Variants in CTNNA2 observed in about 807,000 individuals in gnomAD.
The protein encoded by CTNNA2 is catenin alpha 2.
Under a neutral mutation model 101.0 loss-of-function variants are expected in CTNNA2, and 42 were observed. The ratio of observed to expected loss-of-function variants is 0.42; its 90% CI spans 0.32 to 0.54. CTNNA2 has a LOEUF of 0.54. Among genes scored for constraint, CTNNA2 ranks in the 20% least tolerant of loss-of-function variants. The probability of loss-of-function intolerance (pLI) is 0.14; values close to 1 mark genes in which losing one functional copy is unlikely to be tolerated. For synonymous variants in CTNNA2, 450 were observed against 456.4 expected (o/e 0.99, Z 0.18); for missense variants, 871 against 1,223.1 (o/e 0.71, Z 4.29).
intron 7 of CTNNA2, among the ~76,000 whole-genome samples, chr2:80,218,743 C>A (rs1461043828): frequency 6.6e-6 from 1 of 152,192 alleles, no homozygotes; most frequent in Non-Finnish European, 1.5e-5. Context: ...ATAAATATAG[C>A]TATTAGTATT....
At position 80,647,705 on chromosome 2, in the gene CTNNA2, G is replaced by C. The variant is rs746857376; in HGVS notation, c.2695G>C (p.Val899Leu). The C allele has an allele frequency of 6.2e-7, 1 of 1,613,482 alleles. No individual in the cohort carries two copies. The highest frequency in any genetic ancestry group is 8.5e-7 in the Non-Finnish European group (1 of 1,179,556). Residue 899 changes from valine to leucine, a missense_variant, in exon 19 of 19, where the codon GTC (valine) becomes CTC (leucine). Coordinates refer to ENST00000402739, the MANE Select transcript of CTNNA2 (RefSeq NM_001282597.3). ...KYQKVYGTAA[V>L]NSPVVSWKMK... ...CCAGAAGGTCTATGGGACAGCAGCT[G>C]TCAACTCACCTGTTGTGTCTTGGAA...
At chr2:79,566,085 A>G (rs917353055) in intron 1 of CTNNA2, among the ~76,000 whole-genome samples, 2 of 152,134 alleles carry the variant, frequency 1.3e-5, no homozygotes, top group African/African-American at 4.8e-5. Context: ...ATGGTGCCAG[A>G]TAATACAGAA....
chr2:79,188,153 C>T (rs1673806502), intron 1 of CTNNA2, among the ~76,000 whole-genome samples: 1 of 152,052 alleles, frequency 6.6e-6, no homozygotes, highest in African/African-American at 2.4e-5. Context: ...TTAATATGTT[C>T]ATTAAAAAGA....
intron 3 of CTNNA2, among the ~76,000 whole-genome samples, chr2:79,839,134 T>C (rs947703776): frequency 6.6e-6 from 1 of 152,106 alleles, no homozygotes. Context: ...CAGTAAGTGG[T>C]CTCATTTCTC....
chr2:79,476,907 T>C (rs965841659), intron 4 of CTNNA2, among the ~76,000 whole-genome samples: 11 of 152,168 alleles, frequency 7.2e-5, no homozygotes, highest in African/African-American at 2.7e-4. Flanking sequence ...CTAAAAACCC[T>C]AAGTAGATGT....
chr2:80,054,965 AAAATT>A (rs148409067), intron 7 of CTNNA2, among the ~76,000 whole-genome samples: 1,919 of 152,206 alleles, frequency 0.013, 33 homozygotes, highest in African/African-American at 0.042. Flanking sequence ...TATAATATCT[AAAATT>A]AAATTAAACT....
chr2:80,179,420 C>A (rs1405304398), intron 7 of CTNNA2, among the ~76,000 whole-genome samples: 1 of 152,076 alleles, frequency 6.6e-6, no homozygotes, highest in East Asian at 1.9e-4. Context: ...GTCGCCCAGG[C>A]TGGAGTGCAG....
intron 3 of CTNNA2, among the ~76,000 whole-genome samples, chr2:79,847,804 G>C (rs1276864936): frequency 1.3e-5 from 2 of 152,124 alleles, no homozygotes; most frequent in East Asian, 3.9e-4. Context: ...TCAAGATGTT[G>C]ATTCTGAATG....
At chr2:80,160,756 C>T (rs922940408) in intron 7 of CTNNA2, among the ~76,000 whole-genome samples, 2 of 152,008 alleles carry the variant, frequency 1.3e-5, no homozygotes, top group African/African-American at 4.8e-5. Flanking sequence ...ATTGCTATGC[C>T]TTTTATTTCC....
intron 7 of CTNNA2, among the ~76,000 whole-genome samples, chr2:80,287,040 A>G (rs1006813766): frequency 6.6e-6 from 1 of 152,212 alleles, no homozygotes; most frequent in African/African-American, 2.4e-5. Flanking sequence ...CAATGAAAAG[A>G]GATGTCCTGA....
At chr2:80,398,583 G>A (rs2149375548) in intron 8 of CTNNA2, among the ~76,000 whole-genome samples, 1 of 151,956 alleles carries the variant, frequency 6.6e-6, no homozygotes, top group South Asian at 2.1e-4. Context: ...GGCTGGGCAT[G>A]GTGGCTCATG....
intron 4 of CTNNA2, among the ~76,000 whole-genome samples, chr2:79,451,996 A>G (rs1670758248): frequency 3.3e-5 from 5 of 151,956 alleles, no homozygotes; most frequent in Admixed American, 3.3e-4. Context: ...CCTTTACCCA[A>G]CAGTGTGAGG....
At chr2:79,887,810 A>G (rs1430371051) in intron 6 of CTNNA2, among the ~76,000 whole-genome samples, 1 of 152,204 alleles carries the variant, frequency 6.6e-6, no homozygotes, top group East Asian at 1.9e-4. Context: ...ATCTTCTCCC[A>G]GTGGAGTACC....
At chr2:79,543,951 G>T (rs761978764) in intron 1 of CTNNA2, among the ~76,000 whole-genome samples, 7 of 151,974 alleles carry the variant, frequency 4.6e-5, no homozygotes, top group Non-Finnish European at 7.4e-5. Context: ...CAGGTTTGGG[G>T]ACTTTTCTTG....
intron 2 of CTNNA2, among the ~76,000 whole-genome samples, chr2:79,247,647 A>G (rs1572997820): frequency 6.6e-6 from 1 of 152,240 alleles, no homozygotes; most frequent in Non-Finnish European, 1.5e-5. Flanking sequence ...GTTATTATCA[A>G]TAGCAACATT....
At chr2:80,122,778 T>C (rs1701913207) in intron 7 of CTNNA2, among the ~76,000 whole-genome samples, 3 of 152,140 alleles carry the variant, frequency 2.0e-5, no homozygotes, top group Admixed American at 2.0e-4. Context: ...TGTGAATAGA[T>C]AATACAGTCC....
chr2:80,533,401 C>A (rs144553975), intron 9 of CTNNA2, among the ~76,000 whole-genome samples: 1 of 152,254 alleles, frequency 6.6e-6, no homozygotes, highest in Non-Finnish European at 1.5e-5. Context: ...CTGTGTGAAG[C>A]GGGCTGTAGT....
intron 11 of CTNNA2, among the ~76,000 whole-genome samples, chr2:80,548,633 C>A (rs989771103): frequency 6.6e-6 from 1 of 152,168 alleles, no homozygotes; most frequent in Admixed American, 6.5e-5. Context: ...AATGAACAGG[C>A]GCTGTCAGAG....
chr2:79,446,986 T>C (rs1044074259), intron 4 of CTNNA2, among the ~76,000 whole-genome samples: 44 of 152,046 alleles, frequency 2.9e-4, no homozygotes, highest in Admixed American at 1.1e-3. Context: ...TGTAATGGCT[T>C]TGATAAATAA....
Sources: gnomAD v4.1 joint callset for allele counts (sites outside exome capture counted in the v4.1 genomes callset) on GRCh38, gnomAD v4.1.1 for gene constraint, MANE v1.5 for transcripts, NCBI Gene and HGNC (gene_info 2026-07-23, HGNC 2026-07-21) for gene names.